Variants in ZFPM1 observed in about 807,000 individuals in gnomAD.
ZFPM1 encodes zinc finger protein, FOG family member 1.
ZFPM1 carries 28 observed loss-of-function variants against 46.3 expected under a neutral mutation model. The ratio of observed to expected loss-of-function variants is 0.60; its 90% CI spans 0.45 to 0.83. ZFPM1 has a LOEUF of 0.83. Among genes scored for constraint, ZFPM1 ranks in the 40% least tolerant of loss-of-function variants. The pLI, the probability that ZFPM1 is intolerant of heterozygous loss-of-function variation, is 0.00. For synonymous variants in ZFPM1, 957 were observed against 675.9 expected, an observed-to-expected ratio of 1.42 and a Z score of -6.45; for missense variants, 1,878 against 1,432.4, an observed-to-expected ratio of 1.31 and a Z score of -5.02.
chr16:88,487,341 C>T (rs1042966223), intron 2 of ZFPM1, among the ~76,000 whole-genome samples: 7 of 152,230 alleles, frequency 4.6e-5, no homozygotes, highest in African/African-American at 1.7e-4. Context: ...CCATGAAACC[C>T]TTTGCACACA....
chr16:88,491,045 C>T (rs957457178), intron 3 of ZFPM1, among the ~76,000 whole-genome samples: 16 of 149,678 alleles, frequency 1.1e-4, no homozygotes, highest in Non-Finnish European at 1.5e-4. Flanking sequence ...CTGGTGCCTT[C>T]GGGGGTCTCG....
rs147713962 is a variant in ZFPM1 at position 88,468,730 on chromosome 16, C to T, written c.40+15052C>T. Among the ~76,000 whole-genome samples, 717 of 152,256 alleles carry T rather than the reference C, an allele frequency of 4.7e-3. 1 individual carries two copies. The highest frequency in any genetic ancestry group is 8.6e-3 in the Non-Finnish European group (583 of 68,010). ...ATGGCCAGGGCACCACTGTCCTAAC[C>T]AGCCTGTTGGCAGCCAATGGAAATG... On this transcript the variant is annotated intron_variant, in intron 1 of 9. Transcript: ENST00000319555.
At chr16:88,519,950 A>AATGG (rs375269569) in intron 4 of ZFPM1, among the ~76,000 whole-genome samples, 18 of 103,356 alleles carry the variant, frequency 1.7e-4, no homozygotes, top group East Asian at 1.0e-3. Flanking sequence ...TGGATGGATG[A>AATGG]ATGGATGGAT....
intron 4 of ZFPM1, among the ~76,000 whole-genome samples, chr16:88,523,913 G>A (rs1055992855): frequency 1.3e-5 from 2 of 152,216 alleles, no homozygotes; most frequent in African/African-American, 4.8e-5. Flanking sequence ...GCACTCGGCG[G>A]GGCCGGGCGG....
In ZFPM1 at chr16:88,532,833, C is replaced by T. The variant is rs750376793; in HGVS notation, c.1087C>T (p.Leu363Phe). The change falls in exon 9 of 10, where the codon CTC becomes TTC. Residue 363 changes from leucine (L) to phenylalanine (F), a missense_variant. Transcript: ENST00000319555. ...CTTCATCTCCACCACAAGGGACATC[C>T]TCTACAGCCACTTGGTCACCAACCA... ...CGFISTTRDI[L>F]YSHLVTNHMV... The T allele has an allele frequency of 5.6e-6, 9 of 1,613,432 alleles. No individual in the cohort carries two copies. Among genetic ancestry groups the T allele is most frequent in the Non-Finnish European group, 6.8e-6 (8 of 1,179,968 alleles).
chr16:88,526,962 G>T (rs756028396), intron 5 of ZFPM1, 46 bp downstream of exon 5: 111 of 1,529,088 alleles, frequency 7.3e-5, no homozygotes, highest in Middle Eastern at 3.4e-4. Flanking sequence ...CGGAAGGTGG[G>T]GGTCACTTGG....
rs774600600 is a variant in ZFPM1 at position 88,534,460 on chromosome 16, G to A, written c.2502G>A (p.Ala834=). Residue 834 remains alanine (A), a synonymous_variant, in exon 10 of 10, where the codon GCG becomes GCA. Coordinates refer to ENST00000319555, the MANE Select transcript of ZFPM1 (RefSeq NM_153813.3). ...TCCACAGCCTCGAGGCCTACCTGGC[G>A]CACAAGAAGTACTCGTGCCCCGCTG... The part of the protein sequence containing the change: ...VSFHSLEAYL[A]HKKYSCPAAP... 6 of 1,494,602 alleles carry A rather than the reference G, an allele frequency of 4.0e-6. No homozygotes were observed. In the South Asian group the frequency reaches 4.9e-5, roughly 12 times the overall value. The allele number at this position is 1,494,602 out of a possible 1,614,324, so 92.6% of individuals were successfully genotyped here.
chr16:88,527,909 C>T (rs111628891), intron 5 of ZFPM1, 123 bp from the exon 6 acceptor site: 1 of 1,002,308 alleles, frequency 1.0e-6, no homozygotes, highest in Non-Finnish European at 1.4e-6. Context: ...GCCCTGGCAG[C>T]CAGCCAGCCA....
chr16:88,488,541 C>T (rs574855126), intron 2 of ZFPM1, among the ~76,000 whole-genome samples: 1 of 151,722 alleles, frequency 6.6e-6, no homozygotes, highest in South Asian at 2.1e-4. Context: ...CAGCCCTTAT[C>T]GCGGGTATTA....
chr16:88,461,382 G>C (rs901229660), intron 1 of ZFPM1, among the ~76,000 whole-genome samples: 1 of 152,142 alleles, frequency 6.6e-6, no homozygotes, highest in Non-Finnish European at 1.5e-5. Context: ...CAGGGCTCCG[G>C]GTGGTTGCCG....
chr16:88,455,882 C>T (rs979005848), intron 1 of ZFPM1, among the ~76,000 whole-genome samples: 2 of 152,190 alleles, frequency 1.3e-5, no homozygotes, highest in African/African-American at 4.8e-5. Context: ...CAGCTCGGGA[C>T]CCCCGGCGCC....
intron 3 of ZFPM1, among the ~76,000 whole-genome samples, chr16:88,508,878 C>T (rs1910800789): frequency 1.3e-5 from 2 of 152,228 alleles, no homozygotes; most frequent in African/African-American, 4.8e-5. Context: ...TAAATGGGCT[C>T]CAGGTCCTCA....
In ZFPM1 at chr16:88,534,168, C is replaced by A. The variant is rs1913066848; in HGVS notation, c.2210C>A (p.Pro737His). 2 of 996,498 alleles carry A rather than the reference C, an allele frequency of 2.0e-6. No individual in the cohort carries two copies. The highest frequency in any genetic ancestry group is 1.2e-6 in the Non-Finnish European group (1 of 839,790). The allele number at this position is 996,498 out of a possible 1,614,324, so 61.7% of individuals were successfully genotyped here. Residue 737 changes from proline (P) to histidine (H), a missense_variant, in exon 10 of 10, where the codon CCT becomes CAT. Physicochemically the swap from Pro to His is moderately conservative, Grantham distance 77 (BLOSUM62 -2). Coordinates refer to ENST00000319555, the MANE Select transcript of ZFPM1 (RefSeq NM_153813.3). ...CCCCCGGCCCCCTCTCCCGCCGCGC[C>A]TGTGCGCACGCGCAGACGCCGCAAG... ...AAPPAPSPAA[P>H]VRTRRRRKLY...
chr16:88,484,469 T>A (rs907182494), intron 1 of ZFPM1, among the ~76,000 whole-genome samples: 1 of 152,166 alleles, frequency 6.6e-6, no homozygotes, highest in African/African-American at 2.4e-5. Flanking sequence ...GACACGCGGT[T>A]TCCAGACTTT....
intron 3 of ZFPM1, among the ~76,000 whole-genome samples, chr16:88,494,401 G>C (rs1194173001): frequency 2.0e-5 from 3 of 152,166 alleles, no homozygotes. Context: ...GGATCCACCA[G>C]TGGGGTTGTT....
chr16:88,490,789 C>T lies in ZFPM1; in HGVS notation c.268+1636C>T, dbSNP rs185357683. On this transcript the variant is annotated intron_variant, in intron 3 of 9. Coordinates refer to ENST00000319555, the MANE Select transcript of ZFPM1 (RefSeq NM_153813.3). ...GGGGCTGCCCAAGGCAATGCTGGGG[C>T]CTCATGGCCACCGGTCCTCACGGGC... 1.6e-3 allele frequency among the ~76,000 whole-genome samples: 239 copies of T among 152,318 alleles called. 1 individual carries two copies. Among genetic ancestry groups the T allele is most frequent in the African/African-American group, 5.6e-3 (231 of 41,566 alleles).
chr16:88,503,353 C>T (rs1358712125), intron 3 of ZFPM1, among the ~76,000 whole-genome samples: 3 of 139,816 alleles, frequency 2.1e-5, no homozygotes, highest in Non-Finnish European at 4.6e-5. Flanking sequence ...GGGGGGCCCA[C>T]GGTTCCTGAG....
chr16:88,513,663 C>T (rs952218452), intron 3 of ZFPM1, among the ~76,000 whole-genome samples: 2 of 152,202 alleles, frequency 1.3e-5, no homozygotes, highest in African/African-American at 4.8e-5. Context: ...TGTGTGTCCT[C>T]GGCTGGGTGC....
intron 1 of ZFPM1, among the ~76,000 whole-genome samples, 178 bp downstream of exon 1, chr16:88,453,856 C>T (rs1442954597): frequency 1.3e-5 from 2 of 151,854 alleles, no homozygotes; most frequent in South Asian, 4.2e-4. Flanking sequence ...GCGGCCTGGG[C>T]CCCCGCGTCT....
Sources: allele counts gnomAD v4.1 joint callset (sites outside exome capture counted in the v4.1 genomes callset), GRCh38; gene constraint gnomAD v4.1.1; transcripts MANE v1.5; gene names NCBI Gene and HGNC (gene_info 2026-07-23, HGNC 2026-07-21).